TBL1Y: variants seen among roughly 807,000 people sequenced by gnomAD.
TBL1Y encodes F-box-like/WD repeat-containing protein TBL1Y.
In TBL1Y, 15 loss-of-function variants were observed where a neutral mutation model predicts 12.0. The ratio of observed to expected loss-of-function variants is 1.25; its 90% CI spans 0.83 to 1.92. The LOEUF (loss-of-function observed/expected upper bound fraction) is 1.92. Ranked by LOEUF, TBL1Y falls within the 40% of genes most tolerant of loss-of-function variation. TBL1Y has a pLI of 0.00. For missense variants in TBL1Y, 148 were observed against 116.7 expected, an observed-to-expected ratio of 1.27 and a Z score of -1.24; for synonymous variants, 53 against 42.6, an observed-to-expected ratio of 1.24 and a Z score of -0.95.
At chrY:6,979,509 A>C in intron 3 of TBL1Y, among the ~76,000 whole-genome samples, 1 of 33,835 alleles carries the variant, frequency 3.0e-5, no homozygotes, top group African/African-American at 1.2e-4. Flanking sequence ...CTTTACATAC[A>C]GTGTTACTAT....
chrY:7,042,814 C>T, intron 6 of TBL1Y, 166 bp from the exon 7 acceptor site: 1 of 215,176 alleles, frequency 4.6e-6, no homozygotes, highest in Non-Finnish European at 5.6e-6. Context: ...CCCTTTTCCA[C>T]CTTACTGAGC....
intron 6 of TBL1Y, among the ~76,000 whole-genome samples, chrY:7,033,421 C>T (rs2012667633): frequency 3.0e-5 from 1 of 33,450 alleles, no homozygotes; most frequent in Non-Finnish European, 7.4e-5. Context: ...GGAGCTAGTA[C>T]CATTCTTTCT....
intron 2 of TBL1Y, among the ~76,000 whole-genome samples, chrY:6,917,475 G>T (rs764757952): frequency 3.0e-5 from 1 of 33,546 alleles, no homozygotes; most frequent in Non-Finnish European, 7.4e-5. Flanking sequence ...GGATGCCAAG[G>T]AAAAATAAAC....
intron 7 of TBL1Y, among the ~76,000 whole-genome samples, chrY:7,062,740 G>A: frequency 3.0e-5 from 1 of 33,348 alleles, no homozygotes; most frequent in Non-Finnish European, 7.4e-5. Flanking sequence ...GTTTTGGGCT[G>A]AGGCTCAATT....
chrY:6,929,705 G>T (rs2011851704), intron 2 of TBL1Y, among the ~76,000 whole-genome samples: 1 of 33,412 alleles, frequency 3.0e-5, no homozygotes. Context: ...AGCTGCTCCA[G>T]ATGGGCCGCC....
At chrY:6,958,688 T>G (rs7893077) in intron 2 of TBL1Y, among the ~76,000 whole-genome samples, 114 of 33,300 alleles carry the variant, frequency 3.4e-3, no homozygotes, top group East Asian at 7.2e-3. Context: ...ACGTCATAAT[T>G]AAGTTCAAGG....
chrY:6,958,304 G>C (rs2012081170), intron 2 of TBL1Y, among the ~76,000 whole-genome samples: 1 of 33,352 alleles, frequency 3.0e-5, no homozygotes, highest in African/African-American at 1.2e-4. Flanking sequence ...ACCTTATTCA[G>C]AGAAGCTTCT....
At position 6,935,427 on chromosome Y, in the gene TBL1Y, G is replaced by A; in HGVS notation, c.-266+23255G>A. 9.1e-5 allele frequency among the ~76,000 whole-genome samples: 3 copies of A among 33,045 alleles called. No homozygotes were observed. The East Asian group carries it at 2.3e-3, about 26-fold the overall frequency. The allele number at this position is 33,045 out of a possible 37,273, so 88.7% of individuals were successfully genotyped here. Reference sequence around the variant, plus strand: ...ATTTTGGTGCTTCATGTTGTTGCACGTGTCACTAACCCATTCCTCTGTATT... The same window carrying A: ...ATTTTGGTGCTTCATGTTGTTGCACATGTCACTAACCCATTCCTCTGTATT... On this transcript the variant is annotated intron_variant, in intron 2 of 18. Coordinates refer to ENST00000383032, the MANE Select transcript of TBL1Y (RefSeq NM_033284.2).
intron 8 of TBL1Y, 41 bp from the exon 9 acceptor site, chrY:7,070,155 G>A: frequency 2.6e-6 from 1 of 391,599 alleles, no homozygotes; most frequent in South Asian, 3.0e-5. Flanking sequence ...CCTTCCTCTT[G>A]TATTGGTAAG....
At chrY:7,056,436 T>C (rs748361573) in intron 7 of TBL1Y, among the ~76,000 whole-genome samples, 1 of 32,834 alleles carries the variant, frequency 3.0e-5, no homozygotes, top group South Asian at 7.1e-4. Flanking sequence ...TGAGTCTTTG[T>C]AGTGGGGCTG....
intron 2 of TBL1Y, among the ~76,000 whole-genome samples, chrY:6,923,998 T>A: frequency 3.1e-5 from 1 of 32,505 alleles, no homozygotes; most frequent in Non-Finnish European, 7.5e-5. Flanking sequence ...AATTCTTAAT[T>A]TTTGTAGAGA....
intron 2 of TBL1Y, among the ~76,000 whole-genome samples, chrY:6,921,994 G>A: frequency 1.2e-4 from 4 of 33,847 alleles, no homozygotes; most frequent in East Asian, 7.9e-4. Flanking sequence ...TGGTGTGTCC[G>A]GAGTTTGTTT....
chrY:6,958,518 C>CG (rs2012084358), intron 2 of TBL1Y, among the ~76,000 whole-genome samples: 1 of 32,626 alleles, frequency 3.1e-5, no homozygotes, highest in Non-Finnish European at 7.5e-5. Context: ...CCCAGGGTAC[C>CG]GGCACTCAGC....
chrY:6,931,693 TACCCACCCAG>T (rs2011867234), intron 2 of TBL1Y, among the ~76,000 whole-genome samples: 1 of 33,999 alleles, frequency 2.9e-5, no homozygotes, highest in Non-Finnish European at 7.3e-5. Flanking sequence ...GCACTGGTCA[TACCCACCCAG>T]TAGTTAGATA....
chrY:6,911,614 C>T (rs1044549909), intron 1 of TBL1Y, among the ~76,000 whole-genome samples: 7 of 34,855 alleles, frequency 2.0e-4, no homozygotes, highest in Non-Finnish European at 7.3e-5. Flanking sequence ...GGGGGCAACC[C>T]CCCCCGCGCC....
At chrY:6,966,157 G>C (rs2124119847) in intron 2 of TBL1Y, among the ~76,000 whole-genome samples, 1 of 31,100 alleles carries the variant, frequency 3.2e-5, no homozygotes, top group Admixed American at 2.9e-4. Context: ...AGCAAATCAA[G>C]GGATTTTCCT....
chrY:7,046,606 A>G (rs760149348), intron 7 of TBL1Y, among the ~76,000 whole-genome samples: 1 of 33,931 alleles, frequency 2.9e-5, no homozygotes, highest in East Asian at 7.8e-4. Context: ...TAACCCCCTG[A>G]AAAAGGACCT....
chrY:7,019,438 A>C, intron 4 of TBL1Y, among the ~76,000 whole-genome samples: 1 of 33,921 alleles, frequency 2.9e-5, no homozygotes, highest in Admixed American at 2.7e-4. Context: ...TTAACAACAC[A>C]TATAAAAGAT....
intron 4 of TBL1Y, among the ~76,000 whole-genome samples, chrY:7,009,702 A>T: frequency 3.0e-5 from 1 of 33,488 alleles, no homozygotes; most frequent in Non-Finnish European, 7.4e-5. Context: ...CAATTTTGTA[A>T]ACACCATAGG....
Sources: gnomAD v4.1 joint callset for allele counts (sites outside exome capture counted in the v4.1 genomes callset) on GRCh38, gnomAD v4.1.1 for gene constraint, MANE v1.5 for transcripts, NCBI Gene and HGNC (gene_info 2026-07-23, HGNC 2026-07-21) for gene names.